Variants in ANK1 observed in about 807,000 individuals in gnomAD.
ANK1 encodes ankyrin-1.
A neutral mutation model predicts 210.4 loss-of-function variants in ANK1; 51 were observed. The ratio of observed to expected loss-of-function variants is 0.24; its 90% CI spans 0.19 to 0.31. The LOEUF (loss-of-function observed/expected upper bound fraction) is 0.31, where lower values mean the gene tolerates loss of function less well. Among genes scored for constraint, ANK1 ranks in the 10% least tolerant of loss-of-function variants. The pLI is 1.00. For missense variants in ANK1, 2,051 were observed against 2,504.4 expected (o/e 0.82, Z 3.86); for synonymous variants, 967 against 1,025.9 (o/e 0.94, Z 1.10).
intron 1 of ANK1, among the ~76,000 whole-genome samples, chr8:41,822,067 AG>A (rs1462854875): frequency 2.2e-3 from 16 of 7,118 alleles, no homozygotes; most frequent in African/African-American, 8.4e-3. Flanking sequence ...AGAAAGAAAG[AG>A]AGAGAGAGAG....
intron 1 of ANK1, among the ~76,000 whole-genome samples, chr8:41,883,862 T>A (rs1015225820): frequency 6.6e-6 from 1 of 152,184 alleles, no homozygotes; most frequent in East Asian, 1.9e-4. Context: ...GGACTGGAAC[T>A]AAGCACAGCT....
chr8:41,663,566 A>T, intron 40 of ANK1, 93 bp downstream of exon 40: 1 of 1,246,346 alleles, frequency 8.0e-7, no homozygotes, highest in Non-Finnish European at 1.2e-6. Flanking sequence ...ACCTGCTGTG[A>T]GGGCAGCAGG....
chr8:41,761,117 A>G (rs1342387348), intron 1 of ANK1, among the ~76,000 whole-genome samples: 2 of 136,984 alleles, frequency 1.5e-5, no homozygotes, highest in African/African-American at 2.7e-5. Flanking sequence ...AGGAGAAGAC[A>G]CACATGCACA....
Position 41,655,664 on chromosome 8 carries a change from G to A in ANK1, c.*126C>T. ...ATGCCGTCAGCCCAGAGGAATGTGT[G>A]CACCGCTGCGGTGGCCCTCAGGTCC... On this transcript the variant is annotated 3_prime_UTR_variant, in exon 43 of 43. Coordinates refer to ENST00000289734, the MANE Select transcript of ANK1 (RefSeq NM_000037.4). 6.3e-7 allele frequency: 1 copy of A among 1,576,244 alleles called. No individual in the cohort carries two copies. The highest frequency in any genetic ancestry group is 8.7e-7 in the Non-Finnish European group (1 of 1,146,250).
chr8:41,813,420 A>C (rs1421129115), intron 1 of ANK1, among the ~76,000 whole-genome samples: 1 of 152,190 alleles, frequency 6.6e-6, no homozygotes, highest in Non-Finnish European at 1.5e-5. Flanking sequence ...TTAGAGGTAG[A>C]TAAACATCTC....
chr8:41,731,776 C>T (rs1832238955), intron 3 of ANK1, among the ~76,000 whole-genome samples: 1 of 152,144 alleles, frequency 6.6e-6, no homozygotes, highest in African/African-American at 2.4e-5. Flanking sequence ...AAATCACAAC[C>T]TGGGGAGGAG....
At chr8:41,668,122 A>G in intron 39 of ANK1, 145 bp downstream of exon 39, 1 of 1,212,348 alleles carries the variant, frequency 8.2e-7, no homozygotes, top group Non-Finnish European at 1.2e-6. Flanking sequence ...CTTGACTTCT[A>G]GAGAAACGGA....
intron 5 of ANK1, among the ~76,000 whole-genome samples, chr8:41,726,287 C>T (rs1329536697): frequency 6.6e-6 from 1 of 152,230 alleles, no homozygotes; most frequent in Non-Finnish European, 1.5e-5. Context: ...ACCCCATCTG[C>T]TGGTACCAGG....
intron 1 of ANK1, among the ~76,000 whole-genome samples, chr8:41,879,964 A>G (rs577012805): frequency 6.6e-6 from 1 of 152,194 alleles, no homozygotes; most frequent in African/African-American, 2.4e-5. Flanking sequence ...TGGGAATGCA[A>G]AGGGAACCAA....
intron 32 of ANK1, 57 bp from the exon 33 acceptor site, chr8:41,690,403 T>G: frequency 6.2e-7 from 1 of 1,614,212 alleles, no homozygotes; most frequent in Non-Finnish European, 8.5e-7. Context: ...CACCCGGCTG[T>G]CTGGTTTAGG....
At chr8:41,871,964 G>A (rs1052236908) in intron 1 of ANK1, among the ~76,000 whole-genome samples, 53 of 152,146 alleles carry the variant, frequency 3.5e-4, no homozygotes, top group African/African-American at 1.2e-3. Flanking sequence ...GGGAGGGTCC[G>A]GGCCAGGCAC....
intron 2 of ANK1, among the ~76,000 whole-genome samples, chr8:41,747,622 G>A (rs986762777): frequency 1.3e-5 from 2 of 152,166 alleles, no homozygotes; most frequent in African/African-American, 4.8e-5. Context: ...CACCTTCATG[G>A]AACCTGCCAC....
chr8:41,893,923 G>A (rs2150839680), intron 1 of ANK1, among the ~76,000 whole-genome samples: 1 of 152,232 alleles, frequency 6.6e-6, no homozygotes, highest in South Asian at 2.1e-4. Flanking sequence ...CTTTGAGTTA[G>A]CCCTAGGCCC....
At chr8:41,806,775 G>C (rs763653886) in intron 1 of ANK1, among the ~76,000 whole-genome samples, 2 of 152,126 alleles carry the variant, frequency 1.3e-5, no homozygotes, top group African/African-American at 4.8e-5. Flanking sequence ...TGTTGTAAGA[G>C]CAGATTGTGA....
At chr8:41,749,385 C>T (rs1837095122) in intron 2 of ANK1, among the ~76,000 whole-genome samples, 1 of 147,656 alleles carries the variant, frequency 6.8e-6, no homozygotes, top group African/African-American at 2.5e-5. Context: ...GCAACCTTCG[C>T]CTCCCGGGTT....
intron 1 of ANK1, among the ~76,000 whole-genome samples, chr8:41,872,803 C>G (rs924156456): frequency 2.0e-5 from 3 of 152,214 alleles, no homozygotes; most frequent in African/African-American, 7.2e-5. Flanking sequence ...TGTAGGAGGT[C>G]TGCTGGGGAC....
chr8:41,763,889 C>CTTTTTTTTTTTTTTTTTTTTTTTTGTTT (rs1841112428), intron 1 of ANK1, among the ~76,000 whole-genome samples: 1 of 57,810 alleles, frequency 1.7e-5, no homozygotes, highest in Non-Finnish European at 3.0e-5. Flanking sequence ...TTCTTTTTTT[C>CTTTTTTTTTTTTTTTTTTTTTTTTGTTT]TTTTTTTTTT....
intron 1 of ANK1, among the ~76,000 whole-genome samples, chr8:41,855,335 T>G (rs1812002898): frequency 6.6e-6 from 1 of 152,218 alleles, no homozygotes; most frequent in Admixed American, 6.5e-5. Flanking sequence ...TTTTCATTTG[T>G]CAGTGAAGAA....
upstream of ANK1, among the ~76,000 whole-genome samples, chr8:41,798,129 G>T (rs983494638): frequency 2.0e-5 from 3 of 152,024 alleles, no homozygotes; most frequent in Non-Finnish European, 2.9e-5. Context: ...CAGTCGGGGA[G>T]CGCTGAGCCA....
Sources: gnomAD v4.1 joint callset for allele counts (sites outside exome capture counted in the v4.1 genomes callset) on GRCh38, gnomAD v4.1.1 for gene constraint, MANE v1.5 for transcripts, NCBI Gene and HGNC (gene_info 2026-07-23, HGNC 2026-07-21) for gene names.